FRY: variants seen among roughly 807,000 people sequenced by gnomAD.
FRY encodes protein furry homolog.
FRY carries 128 observed loss-of-function variants against 348.4 expected under a neutral mutation model. That is an observed-to-expected ratio of 0.37 (90% CI 0.32 to 0.43). FRY has a LOEUF of 0.43. FRY is among the 20% of genes least tolerant of loss of function. The pLI is 1.00. For synonymous variants in FRY, 1,370 were observed against 1,374.7 expected (o/e 1.00, Z 0.08); for missense variants, 2,736 against 3,695.2 (o/e 0.74, Z 6.73).
At chr13:32,140,735 G>A (rs1038995995) in intron 11 of FRY, among the ~76,000 whole-genome samples, 45 of 152,200 alleles carry the variant, frequency 3.0e-4, no homozygotes, top group Non-Finnish European at 5.7e-4. Flanking sequence ...AACAAGTGTG[G>A]TTGCCATAAA....
At chr13:32,179,832 A>C in intron 23 of FRY, 33 bp downstream of exon 23, 1 of 1,601,308 alleles carries the variant, frequency 6.2e-7, no homozygotes, top group East Asian at 2.2e-5. Flanking sequence ...TTCTAAATTC[A>C]TACATGCTGC....
intron 11 of FRY, among the ~76,000 whole-genome samples, chr13:32,139,063 T>C (rs1162850826): frequency 6.6e-6 from 1 of 152,176 alleles, no homozygotes; most frequent in East Asian, 1.9e-4. Context: ...AAAATATCCT[T>C]GATAAGATAA....
At chr13:32,266,250 T>A (rs1035729281) in intron 54 of FRY, among the ~76,000 whole-genome samples, 1 of 152,250 alleles carries the variant, frequency 6.6e-6, no homozygotes, top group South Asian at 2.1e-4. Flanking sequence ...GACAAAGGCC[T>A]TCTGTTACAG....
At chr13:32,074,869 T>A (rs866412786) in intron 1 of FRY, among the ~76,000 whole-genome samples, 1 of 152,162 alleles carries the variant, frequency 6.6e-6, no homozygotes, top group African/African-American at 2.4e-5. Context: ...TTGGGGCAGC[T>A]GGATGGCACT....
chr13:32,058,779 T>TA (rs556944012), intron 1 of FRY, among the ~76,000 whole-genome samples: 3 of 151,406 alleles, frequency 2.0e-5, no homozygotes, highest in South Asian at 2.1e-4. Flanking sequence ...GATATCTGGG[T>TA]AAAAAAAAAT....
chr13:32,181,810 A>G (rs983216939), intron 23 of FRY, among the ~76,000 whole-genome samples: 3 of 152,148 alleles, frequency 2.0e-5, no homozygotes, highest in African/African-American at 7.2e-5. Flanking sequence ...ATAAAAATAT[A>G]TAAGTGTATC....
At chr13:32,162,482 G>A (rs959321323) in intron 17 of FRY, among the ~76,000 whole-genome samples, 6 of 152,080 alleles carry the variant, frequency 3.9e-5, no homozygotes, top group African/African-American at 1.4e-4. Flanking sequence ...CCTCTCTTAC[G>A]TGGGCAGCCA....
rs1329509864 is a variant in FRY at position 32,249,587 on chromosome 13, C to T, written c.7070C>T (p.Pro2357Leu). Reference protein sequence around the residue: ...LQNSSGRDGKPRAMAVTRSTS... With the variant: ...LQNSSGRDGKLRAMAVTRSTS... ...AATTCTTCTGGGCGTGATGGGAAGC[C>T]CAGGGCCATGGCCGTCACCCGGAGC... Residue 2357 changes from proline (P) to leucine (L), a missense_variant, in exon 49 of 61, where the codon CCC becomes CTC. Pro to Leu is a moderately conservative substitution (Grantham distance 98). Coordinates refer to ENST00000542859, the MANE Select transcript of FRY (RefSeq NM_023037.3). 1 of 1,614,122 alleles carries T rather than the reference C, an allele frequency of 6.2e-7. No homozygotes were observed. Among genetic ancestry groups the T allele is most frequent in the Admixed American group, 1.7e-5 (1 of 60,010 alleles).
chr13:32,172,056 G>A (rs1882119269), intron 18 of FRY, among the ~76,000 whole-genome samples: 1 of 97,044 alleles, frequency 1.0e-5, no homozygotes, highest in Admixed American at 1.1e-4. Context: ...GGATATGGAT[G>A]TGGATGTAGG....
chr13:32,113,023 AT>A (rs1459688075), intron 3 of FRY, among the ~76,000 whole-genome samples: 6 of 152,156 alleles, frequency 3.9e-5, no homozygotes, highest in Admixed American at 2.0e-4. Context: ...ATGAAAAAAA[AT>A]ATTTAATGTA....
intron 16 of FRY, among the ~76,000 whole-genome samples, chr13:32,160,005 C>T (rs1458834005): frequency 2.0e-5 from 3 of 152,076 alleles, no homozygotes; most frequent in African/African-American, 7.2e-5. Context: ...CCCACAAAAG[C>T]AGATTATTTT....
intron 28 of FRY, among the ~76,000 whole-genome samples, chr13:32,191,242 T>C (rs368723182): frequency 1.3e-5 from 2 of 152,190 alleles, no homozygotes; most frequent in African/African-American, 4.8e-5. Context: ...AATATCTTCA[T>C]CCCTGGGGTT....
At chr13:32,068,449 G>A (rs148436517) in intron 1 of FRY, among the ~76,000 whole-genome samples, 2 of 152,110 alleles carry the variant, frequency 1.3e-5, no homozygotes, top group Admixed American at 1.3e-4. Flanking sequence ...CTTCCTTTGC[G>A]CACGGATCTT....
chr13:32,040,729 G>A (rs1029959982), intron 1 of FRY, among the ~76,000 whole-genome samples: 3 of 152,166 alleles, frequency 2.0e-5, no homozygotes, highest in Admixed American at 2.0e-4. Context: ...TGAAGTGCCA[G>A]TATTCTTGGT....
intron 2 of FRY, among the ~76,000 whole-genome samples, chr13:32,088,107 T>C (rs1489983814): frequency 2.6e-5 from 4 of 152,262 alleles, no homozygotes; most frequent in Non-Finnish European, 5.9e-5. Flanking sequence ...CCTTAATGTC[T>C]TTCTGCACTG....
intron 41 of FRY, among the ~76,000 whole-genome samples, chr13:32,232,239 G>A (rs983325948): frequency 2.6e-5 from 4 of 152,208 alleles, no homozygotes; most frequent in Non-Finnish European, 5.9e-5. Context: ...TGGATTGAAT[G>A]AAAATAATAA....
At chr13:32,258,612 CA>C (rs11327896) in intron 51 of FRY, among the ~76,000 whole-genome samples, 108,249 of 143,974 alleles carry the variant, frequency 0.75, 41,552 homozygotes, top group Non-Finnish European at 0.87. Flanking sequence ...GACTCTGTCT[CA>C]AAAAAAAAAA....
rs191514364 is a variant in FRY at position 32,295,518 on chromosome 13, C to T, written c.*58C>T. The T allele has an allele frequency of 1.1e-4, 171 of 1,529,016 alleles. No homozygotes were observed. Among genetic ancestry groups the T allele is most frequent in the Admixed American group, 1.7e-4 (10 of 59,902 alleles). 94.7% of individuals were successfully genotyped at this position (1,529,016 alleles called of 1,614,324 possible). On this transcript the variant is annotated 3_prime_UTR_variant, in exon 61 of 61. Transcript: ENST00000542859. ...TGGCAGTGCTGCCATGCTGGGGCAA[C>T]GTCATTCAGTGTCTTCTCGGCCTTC...
chr13:32,202,946 CA>C (rs11354597), intron 31 of FRY, among the ~76,000 whole-genome samples: 60,532 of 136,276 alleles, frequency 0.44, 12,172 homozygotes, highest in African/African-American at 0.47. Context: ...GAGACAGTCT[CA>C]AAAAAAAAAA....
Sources: allele counts gnomAD v4.1 joint callset (sites outside exome capture counted in the v4.1 genomes callset), GRCh38; gene constraint gnomAD v4.1.1; transcripts MANE v1.5; gene names NCBI Gene and HGNC (gene_info 2026-07-23, HGNC 2026-07-21).